The following DEPDC1B variants were observed in gnomAD, a reference collection of about 807,000 sequenced individuals.
DEPDC1B encodes DEP domain-containing protein 1B.
DEPDC1B carries 51 observed loss-of-function variants against 66.5 expected under a neutral mutation model. The ratio of observed to expected loss-of-function variants is 0.77; its 90% CI spans 0.61 to 0.97. DEPDC1B has a LOEUF of 0.97. DEPDC1B is among the 50% of genes least tolerant of loss of function. The pLI is 0.00. For synonymous variants in DEPDC1B, 226 were observed against 223.6 expected (o/e 1.01, Z -0.10); for missense variants, 552 against 637.1 (o/e 0.87, Z 1.44).
At chr5:60,673,118 AC>A (rs1174915675) in intron 2 of DEPDC1B, among the ~76,000 whole-genome samples, 1 of 152,074 alleles carries the variant, frequency 6.6e-6, no homozygotes, top group Non-Finnish European at 1.5e-5. Flanking sequence ...GCCCTTGATC[AC>A]CCTGACCAAC....
chr5:60,683,058 C>T (rs1250695008), intron 2 of DEPDC1B, among the ~76,000 whole-genome samples: 2 of 152,072 alleles, frequency 1.3e-5, no homozygotes, highest in Non-Finnish European at 2.9e-5. Flanking sequence ...TACAAGCAAA[C>T]CAAATCCAAC....
chr5:60,646,194 TC>T (rs1203454853), intron 3 of DEPDC1B, among the ~76,000 whole-genome samples: 1 of 152,170 alleles, frequency 6.6e-6, no homozygotes, highest in Non-Finnish European at 1.5e-5. Context: ...TACACCTCAG[TC>T]CTGGTGGTCT....
intron 7 of DEPDC1B, among the ~76,000 whole-genome samples, chr5:60,617,479 G>T (rs898404873): frequency 2.0e-5 from 3 of 152,070 alleles, no homozygotes; most frequent in Admixed American, 6.5e-5. Flanking sequence ...TAAGGCAGGG[G>T]TTGCAATCCT....
chr5:60,669,636 A>T (rs1371404042), intron 2 of DEPDC1B, among the ~76,000 whole-genome samples: 1 of 152,194 alleles, frequency 6.6e-6, no homozygotes, highest in Non-Finnish European at 1.5e-5. Context: ...ATACTTTCTG[A>T]AAGTATGTCA....
At chr5:60,663,643 G>A (rs940581626) in intron 2 of DEPDC1B, among the ~76,000 whole-genome samples, 2 of 152,154 alleles carry the variant, frequency 1.3e-5, no homozygotes, top group African/African-American at 2.4e-5. Flanking sequence ...CAGGGTTCAG[G>A]GATAGCCCCC....
intron 7 of DEPDC1B, among the ~76,000 whole-genome samples, chr5:60,618,047 A>G (rs143917079): frequency 0.012 from 1,891 of 152,372 alleles, 15 homozygotes; most frequent in Non-Finnish European, 0.02. Flanking sequence ...TACTGGGTAC[A>G]TAACAAAATG....
intron 7 of DEPDC1B, among the ~76,000 whole-genome samples, chr5:60,619,776 T>C (rs913303032): frequency 3.9e-5 from 6 of 152,140 alleles, no homozygotes; most frequent in African/African-American, 1.2e-4. Flanking sequence ...CTTTACAGAA[T>C]TGGAAAAAAC....
intron 6 of DEPDC1B, among the ~76,000 whole-genome samples, 187 bp downstream of exon 6, chr5:60,642,625 C>T (rs757480580): frequency 6.6e-6 from 1 of 152,218 alleles, no homozygotes; most frequent in Non-Finnish European, 1.5e-5. Context: ...CCCTTTAAAA[C>T]TGTTCTAGAA....
At chr5:60,640,387 T>A (rs1753159857) in intron 6 of DEPDC1B, among the ~76,000 whole-genome samples, 1 of 152,116 alleles carries the variant, frequency 6.6e-6, no homozygotes, top group Non-Finnish European at 1.5e-5. Context: ...GCAAAAAAAT[T>A]TTAAAGGTTT....
chr5:60,672,166 T>C (rs1007192528), intron 2 of DEPDC1B, among the ~76,000 whole-genome samples: 1 of 152,230 alleles, frequency 6.6e-6, no homozygotes, highest in African/African-American at 2.4e-5. Context: ...TATTTGCTTG[T>C]TGTATAGCCT....
chr5:60,645,526 C>T lies in DEPDC1B; in HGVS notation c.544G>A (p.Val182Ile), dbSNP rs764470539. 2 of 1,612,980 alleles carry T rather than the reference C, an allele frequency of 1.2e-6. No individual in the cohort carries two copies. Among genetic ancestry groups the T allele is most frequent in the African/African-American group, 2.7e-5 (2 of 74,982 alleles). ...VHRRQLTEAN[V>I]EEIWKSMTLS... is the part of the protein sequence containing the mutation. ...GTCATAGACTTCCATATCTCTTCTA[C>T]ATTGGCCTCTGTCAGCTGTCTGCGG... The change falls in exon 4 of 11, where the codon GTA becomes ATA. Residue 182 changes from valine to isoleucine, a missense_variant. Val to Ile is a conservative substitution (Grantham distance 29). Coordinates refer to ENST00000265036, the MANE Select transcript of DEPDC1B (RefSeq NM_018369.3).
intron 1 of DEPDC1B, among the ~76,000 whole-genome samples, chr5:60,690,776 C>T (rs934582418): frequency 6.6e-6 from 1 of 151,326 alleles, no homozygotes; most frequent in Non-Finnish European, 1.5e-5. Context: ...TTTTGCCCAA[C>T]CTTGGGTCAT....
At chr5:60,612,528 C>CA (rs35196065) in intron 7 of DEPDC1B, among the ~76,000 whole-genome samples, 33,400 of 89,946 alleles carry the variant, frequency 0.37, 6,166 homozygotes, top group Admixed American at 0.46. Context: ...GAGATCTGCT[C>CA]AAAAAAAAAA....
intron 7 of DEPDC1B, among the ~76,000 whole-genome samples, chr5:60,617,985 C>G (rs879148591): frequency 6.6e-6 from 1 of 152,226 alleles, no homozygotes; most frequent in Admixed American, 6.5e-5. Context: ...TTAAGAAACT[C>G]ACTCAAAACC....
At chr5:60,688,278 A>G (rs1183533751) in intron 1 of DEPDC1B, among the ~76,000 whole-genome samples, 1 of 152,134 alleles carries the variant, frequency 6.6e-6, no homozygotes, top group Non-Finnish European at 1.5e-5. Context: ...GTTTAAAACT[A>G]CCTCATGGTT....
intron 7 of DEPDC1B, among the ~76,000 whole-genome samples, chr5:60,610,237 G>A (rs888614642): frequency 3.3e-5 from 5 of 152,214 alleles, no homozygotes; most frequent in African/African-American, 9.6e-5. Context: ...AGCTCTCACC[G>A]ATTGTGGACA....
chr5:60,638,915 A>C, intron 6 of DEPDC1B, 25 bp from the exon 7 acceptor site: 4 of 1,606,578 alleles, frequency 2.5e-6, no homozygotes, highest in Non-Finnish European at 3.4e-6. Context: ...AGAGTGAAAG[A>C]GAAACATTAA....
At chr5:60,616,735 T>G (rs1752564467) in intron 7 of DEPDC1B, among the ~76,000 whole-genome samples, 1 of 152,196 alleles carries the variant, frequency 6.6e-6, no homozygotes, top group African/African-American at 2.4e-5. Context: ...CCAGGAGAAC[T>G]TCTCCAATCT....
At chr5:60,621,611 C>A (rs1241273660) in intron 7 of DEPDC1B, among the ~76,000 whole-genome samples, 1 of 151,798 alleles carries the variant, frequency 6.6e-6, no homozygotes, top group Non-Finnish European at 1.5e-5. Context: ...TGCAGCACAC[C>A]AACATGGCTC....
Sources: allele counts gnomAD v4.1 joint callset (sites outside exome capture counted in the v4.1 genomes callset), GRCh38; gene constraint gnomAD v4.1.1; transcripts MANE v1.5; gene names NCBI Gene and HGNC (gene_info 2026-07-23, HGNC 2026-07-21).